Variants in PCDHA3 observed in about 807,000 individuals in gnomAD.
PCDHA3 encodes protocadherin alpha-3.
PCDHA3 carries 41 observed loss-of-function variants against 62.2 expected under a neutral mutation model. The observed-to-expected ratio is 0.66, with a 90% CI of 0.51 to 0.86. The LOEUF is 0.86. Among genes scored for constraint, PCDHA3 ranks in the 40% least tolerant of loss-of-function variants. The probability of loss-of-function intolerance (pLI) is 0.00; values close to 1 mark genes in which losing one functional copy is unlikely to be tolerated. For synonymous variants in PCDHA3, 640 were observed against 555.4 expected (o/e 1.15, Z -2.14); for missense variants, 1,304 against 1,241.2 (o/e 1.05, Z -0.76).
chr5:140,849,576 G>A (rs2150441030), intron 1 of PCDHA3: 3 of 1,598,698 alleles, frequency 1.9e-6, no homozygotes, highest in Non-Finnish European at 2.6e-6. Flanking sequence ...TCCTGTAAAA[G>A]AGGACGCACA....
intron 1 of PCDHA3, among the ~76,000 whole-genome samples, chr5:140,916,423 G>A (rs915446945): frequency 6.6e-6 from 1 of 152,174 alleles, no homozygotes; most frequent in Non-Finnish European, 1.5e-5. Context: ...GCACATCTCA[G>A]AACCTAAGGC....
chr5:140,835,793 G>C, intron 1 of PCDHA3: 1 of 1,613,102 alleles, frequency 6.2e-7, no homozygotes, highest in Non-Finnish European at 8.5e-7. Context: ...ACAACCCGCC[G>C]GGCTGCCACA....
At chr5:140,868,057 G>C (rs1243916361) in intron 1 of PCDHA3, 4 of 152,030 alleles carry the variant, frequency 2.6e-5, no homozygotes, top group African/African-American at 7.2e-5. Flanking sequence ...ATGGCACAAA[G>C]ATGTTCAGGG....
At chr5:140,850,020 T>C (rs2150463702) in intron 1 of PCDHA3, 2 of 1,596,646 alleles carry the variant, frequency 1.3e-6, no homozygotes, top group African/African-American at 1.3e-5. Flanking sequence ...GAGCTACGTG[T>C]CAGTGCACGC....
chr5:140,979,405 C>A (rs2096849045), intron 2 of PCDHA3, among the ~76,000 whole-genome samples: 1 of 151,828 alleles, frequency 6.6e-6, no homozygotes, highest in Non-Finnish European at 1.5e-5. Flanking sequence ...TGTTGTCTAC[C>A]TTGTTTTTTT....
intron 1 of PCDHA3, chr5:140,871,003 C>T (rs782654281): frequency 1.2e-6 from 2 of 1,613,416 alleles, no homozygotes; most frequent in Non-Finnish European, 1.7e-6. Context: ...AAGCACAACG[C>T]GTGCCCTGGA....
chr5:140,883,242 A>C (rs1562785855), intron 1 of PCDHA3: 2 of 1,614,066 alleles, frequency 1.2e-6, no homozygotes, highest in Non-Finnish European at 1.7e-6. Context: ...GCAGTTGACA[A>C]AGGAAATATT....
intron 1 of PCDHA3, chr5:140,807,383 G>T (rs782782841): frequency 6.2e-7 from 1 of 1,602,306 alleles, no homozygotes; most frequent in African/African-American, 1.4e-5. Flanking sequence ...CCTGTTCCGG[G>T]TGGCGTCCAA....
chr5:140,904,555 C>CT (rs569725486), intron 1 of PCDHA3, among the ~76,000 whole-genome samples: 13 of 151,744 alleles, frequency 8.6e-5, no homozygotes, highest in Middle Eastern at 3.4e-3. Flanking sequence ...CATATAATGA[C>CT]TTTTTTTTCC....
At chr5:141,006,662 G>A (rs1198129323) in intron 3 of PCDHA3, among the ~76,000 whole-genome samples, 1 of 152,192 alleles carries the variant, frequency 6.6e-6, no homozygotes, top group Admixed American at 6.5e-5. Context: ...TCCTGAAAGA[G>A]TGGTGGCAGT....
In PCDHA3 at chr5:140,823,957, G is replaced by A. The variant is rs191497891; in HGVS notation, c.2394+20366G>A. 71 of 1,614,042 alleles carry A rather than the reference G, an allele frequency of 4.4e-5. No individual in the cohort carries two copies. The highest frequency in any genetic ancestry group is 1.6e-4 in the Middle Eastern group (1 of 6,062). On this transcript the variant is annotated intron_variant, in intron 1 of 3. Coordinates refer to ENST00000522353, the MANE Select transcript of PCDHA3 (RefSeq NM_018906.3). ...GCTGCGGTGCTCGGCGCAGCCCACC[G>A]AGGCCGTGTGCACACGGGGCAAGCC...
At chr5:140,892,803 A>T (rs1554185373) in intron 1 of PCDHA3, among the ~76,000 whole-genome samples, 1 of 152,174 alleles carries the variant, frequency 6.6e-6, no homozygotes. Context: ...ATTATAGTTA[A>T]CCATATTTAT....
chr5:140,831,094 A>T (rs1771374456), intron 1 of PCDHA3: 2 of 152,224 alleles, frequency 1.3e-5, no homozygotes, highest in African/African-American at 2.4e-5. Context: ...GGACAAAAAC[A>T]ATAGTTATCA....
chr5:140,868,938 T>A (rs2050744008), intron 1 of PCDHA3: 1 of 1,227,724 alleles, frequency 8.1e-7, no homozygotes, highest in Non-Finnish European at 1.1e-6. Flanking sequence ...AAGGTTGGTC[T>A]GAACAGTGAG....
chr5:140,978,701 G>A (rs1240672824), intron 1 of PCDHA3, among the ~76,000 whole-genome samples: 1 of 152,236 alleles, frequency 6.6e-6, no homozygotes, highest in African/African-American at 2.4e-5. Context: ...AAAGCCAAAG[G>A]TGGCCTTTAC....
At chr5:140,909,942 T>G (rs577556804) in intron 1 of PCDHA3, among the ~76,000 whole-genome samples, 1 of 152,304 alleles carries the variant, frequency 6.6e-6, no homozygotes, top group Non-Finnish European at 1.5e-5. Flanking sequence ...GTTACTCTGG[T>G]AAAAAGCCGT....
chr5:140,876,306 C>A (rs2056271023), intron 1 of PCDHA3: 1 of 1,613,986 alleles, frequency 6.2e-7, no homozygotes, highest in Non-Finnish European at 8.5e-7. Context: ...GAGAAATTTC[C>A]TATGGGATCA....
rs782371814 is a variant in PCDHA3 at position 140,882,829 on chromosome 5, G to A, written c.2394+79238G>A. On this transcript the variant is annotated intron_variant, in intron 1 of 3. Transcript: ENST00000522353. Reference sequence around the variant, plus strand: ...CTTTGGACGCACAAAACAGTCTTGAGCAAATGTCTTCATTATCACTTGTAC... The same window carrying A: ...CTTTGGACGCACAAAACAGTCTTGAACAAATGTCTTCATTATCACTTGTAC... The A allele has an allele frequency of 5.6e-6, 9 of 1,614,206 alleles. No homozygotes were observed. The South Asian group carries it at 8.8e-5, about 16-fold the overall frequency.
intron 1 of PCDHA3, chr5:140,809,652 C>T: frequency 6.7e-7 from 1 of 1,493,130 alleles, no homozygotes; most frequent in Non-Finnish European, 9.0e-7. Flanking sequence ...TTCTAAGAGT[C>T]AAATTTCCCT....
Sources: allele counts gnomAD v4.1 joint callset (sites outside exome capture counted in the v4.1 genomes callset), GRCh38; gene constraint gnomAD v4.1.1; transcripts MANE v1.5; gene names NCBI Gene and HGNC (gene_info 2026-07-23, HGNC 2026-07-21).